Variants in CDH4 observed in about 807,000 individuals in gnomAD.
CDH4 encodes cadherin-4.
CDH4 carries 33 observed loss-of-function variants against 86.0 expected under a neutral mutation model. The observed-to-expected ratio is 0.38, with a 90% CI of 0.29 to 0.51. The LOEUF is 0.51. CDH4 is among the 20% of genes least tolerant of loss of function. The probability of loss-of-function intolerance (pLI) is 0.86; values close to 1 mark genes in which losing one functional copy is unlikely to be tolerated. For synonymous variants in CDH4, 555 were observed against 549.4 expected (o/e 1.01, Z -0.14); for missense variants, 1,114 against 1,307.4 (o/e 0.85, Z 2.28).
chr20:61,751,091 C>T (rs983014154), intron 3 of CDH4, among the ~76,000 whole-genome samples: 1 of 152,068 alleles, frequency 6.6e-6, no homozygotes, highest in African/African-American at 2.4e-5. Flanking sequence ...TTTGTTTGCT[C>T]GTTTCGGGAA....
intron 2 of CDH4, among the ~76,000 whole-genome samples, chr20:61,580,393 C>G (rs557958358): frequency 6.6e-6 from 1 of 152,168 alleles, no homozygotes; most frequent in East Asian, 1.9e-4. Context: ...GAGGTGGAGG[C>G]TGCAGTGAGC....
intron 2 of CDH4, among the ~76,000 whole-genome samples, chr20:61,595,547 C>A (rs1415384129): frequency 6.6e-6 from 1 of 152,192 alleles, no homozygotes; most frequent in East Asian, 1.9e-4. Flanking sequence ...TCCCCTGGAA[C>A]AAACAATAAG....
intron 2 of CDH4, among the ~76,000 whole-genome samples, chr20:61,500,338 G>A (rs1418786570): frequency 2.6e-5 from 4 of 152,348 alleles, no homozygotes; most frequent in East Asian, 1.9e-4. Context: ...TTGCTCACTC[G>A]CGTTCGGAAT....
intron 2 of CDH4, among the ~76,000 whole-genome samples, chr20:61,729,427 C>T (rs1435351634): frequency 6.6e-6 from 1 of 152,194 alleles, no homozygotes; most frequent in East Asian, 1.9e-4. Context: ...TCTCCCAATA[C>T]ACCTGCACTT....
chr20:61,815,927 G>A (rs747115249), intron 4 of CDH4, among the ~76,000 whole-genome samples: 9 of 152,198 alleles, frequency 5.9e-5, no homozygotes, highest in Non-Finnish European at 1.0e-4. Context: ...ATTTGTTAAA[G>A]CTTCCACTTC....
At chr20:61,486,454 A>G (rs2085597083) in intron 2 of CDH4, among the ~76,000 whole-genome samples, 1 of 152,264 alleles carries the variant, frequency 6.6e-6, no homozygotes, top group Non-Finnish European at 1.5e-5. Flanking sequence ...TCCAGGCTGC[A>G]GGAGGACAAG....
chr20:61,440,757 T>C (rs1244017055), intron 2 of CDH4, among the ~76,000 whole-genome samples: 3 of 152,146 alleles, frequency 2.0e-5, no homozygotes, highest in Non-Finnish European at 4.4e-5. Context: ...GAAGCGCTAT[T>C]GTTGGTGTCC....
chr20:61,404,821 C>T (rs1287056510), intron 2 of CDH4, among the ~76,000 whole-genome samples: 3 of 151,598 alleles, frequency 2.0e-5, no homozygotes, highest in African/African-American at 7.3e-5. Context: ...GAGGCTGAGG[C>T]AGGTGAATCA....
At chr20:61,412,353 C>T (rs2085124201) in intron 2 of CDH4, among the ~76,000 whole-genome samples, 1 of 152,186 alleles carries the variant, frequency 6.6e-6, no homozygotes. Context: ...TAGCTTGGAA[C>T]TGGCCACGGT....
intron 2 of CDH4, among the ~76,000 whole-genome samples, chr20:61,591,165 C>T (rs866799645): frequency 1.3e-5 from 2 of 151,906 alleles, no homozygotes; most frequent in African/African-American, 2.4e-5. Context: ...AAGAGGCGGA[C>T]CCACTGATAA....
At chr20:61,292,997 G>A (rs994753547) in intron 2 of CDH4, among the ~76,000 whole-genome samples, 6 of 152,164 alleles carry the variant, frequency 3.9e-5, no homozygotes, top group African/African-American at 7.2e-5. Context: ...GGTCTGCGGC[G>A]ACCTGCCTAG....
At chr20:61,362,314 C>G (rs545283699) in intron 2 of CDH4, among the ~76,000 whole-genome samples, 1 of 151,880 alleles carries the variant, frequency 6.6e-6, no homozygotes, top group Non-Finnish European at 1.5e-5. Context: ...AAGGGGAGAG[C>G]GGAGACGTGG....
intron 2 of CDH4, among the ~76,000 whole-genome samples, chr20:61,405,893 G>C (rs953805297): frequency 6.6e-6 from 1 of 152,106 alleles, no homozygotes; most frequent in Non-Finnish European, 1.5e-5. Context: ...TGTTAGCCAA[G>C]ATGGTCTCGA....
intron 2 of CDH4, among the ~76,000 whole-genome samples, chr20:61,280,276 G>C (rs1158200079): frequency 6.6e-6 from 1 of 152,174 alleles, no homozygotes; most frequent in Non-Finnish European, 1.5e-5. Context: ...ATTTTCACCT[G>C]AGATGCCCAG....
At chr20:61,443,140 C>T (rs565160771) in intron 2 of CDH4, among the ~76,000 whole-genome samples, 1 of 152,328 alleles carries the variant, frequency 6.6e-6, no homozygotes, top group African/African-American at 2.4e-5. Context: ...GACACCCTGC[C>T]CCACCTAGGT....
intron 3 of CDH4, among the ~76,000 whole-genome samples, chr20:61,752,962 T>A (rs546606790): frequency 6.6e-5 from 10 of 152,338 alleles, no homozygotes; most frequent in Admixed American, 1.3e-4. Flanking sequence ...ATCATTTTTT[T>A]AGCTGGTGTT....
intron 4 of CDH4, among the ~76,000 whole-genome samples, chr20:61,785,515 G>A (rs561679989): frequency 3.3e-5 from 5 of 152,296 alleles, no homozygotes; most frequent in Admixed American, 1.3e-4. Context: ...AGGTAGGATC[G>A]TCTGGTGGAC....
At chr20:61,293,903 G>GGTCCA (rs2084337289) in intron 2 of CDH4, among the ~76,000 whole-genome samples, 1 of 151,902 alleles carries the variant, frequency 6.6e-6, no homozygotes, top group East Asian at 1.9e-4. Context: ...CGGGTTTTGC[G>GGTCCA]GGTCCACTTT....
At chr20:61,898,388 G>A (rs1442411564) in intron 8 of CDH4, among the ~76,000 whole-genome samples, 1 of 152,202 alleles carries the variant, frequency 6.6e-6, no homozygotes, top group Admixed American at 6.5e-5. Flanking sequence ...GGGGACCCTC[G>A]GCCCTCAGCA....
Sources: gnomAD v4.1 joint callset for allele counts (sites outside exome capture counted in the v4.1 genomes callset) on GRCh38, gnomAD v4.1.1 for gene constraint, MANE v1.5 for transcripts, NCBI Gene and HGNC (gene_info 2026-07-23, HGNC 2026-07-21) for gene names.